The following MICAL3 variants were observed in gnomAD, a reference collection of about 807,000 sequenced individuals.
MICAL3 encodes the protein [F-actin]-monooxygenase MICAL3.
MICAL3 carries 62 observed loss-of-function variants against 207.4 expected under a neutral mutation model. That is an observed-to-expected ratio of 0.30 (90% CI 0.24 to 0.37). MICAL3 has a LOEUF of 0.37. Ranked by LOEUF, MICAL3 falls within the 10% of genes least tolerant of loss-of-function variation. MICAL3 has a pLI of 1.00. For missense variants in MICAL3, 2,368 were observed against 2,635.6 expected, an observed-to-expected ratio of 0.90 and a Z score of 2.22; for synonymous variants, 1,077 against 1,069.3, an observed-to-expected ratio of 1.01 and a Z score of -0.14.
intron 1 of MICAL3, among the ~76,000 whole-genome samples, chr22:17,943,287 C>T (rs541803501): frequency 8.5e-4 from 130 of 152,282 alleles, no homozygotes; most frequent in African/African-American, 2.8e-3. Flanking sequence ...CTCCGCCTCC[C>T]GAGTAGCTGG....
At chr22:17,987,396 G>C (rs1031916246) in intron 1 of MICAL3, among the ~76,000 whole-genome samples, 2 of 152,246 alleles carry the variant, frequency 1.3e-5, no homozygotes, top group African/African-American at 4.8e-5. Context: ...ACTGGCAGGA[G>C]CTTTGTGAAG....
chr22:17,824,801 T>C (rs1922001739), intron 22 of MICAL3, among the ~76,000 whole-genome samples: 1 of 152,208 alleles, frequency 6.6e-6, no homozygotes, highest in African/African-American at 2.4e-5. Context: ...AAAACCTCGG[T>C]GTGAGAACAC....
intron 25 of MICAL3, 109 bp downstream of exon 25, chr22:17,821,318 C>T (rs1921619100): frequency 2.1e-5 from 19 of 901,814 alleles, no homozygotes; most frequent in Non-Finnish European, 2.6e-5. Flanking sequence ...GCTATGTTAG[C>T]CCCAGTCTTG....
At chr22:17,856,168 A>C (rs894820059) in intron 19 of MICAL3, among the ~76,000 whole-genome samples, 2 of 152,254 alleles carry the variant, frequency 1.3e-5, no homozygotes, top group Non-Finnish European at 2.9e-5. Flanking sequence ...TCTGTGAGTG[A>C]GTATGGCAAG....
chr22:17,906,326 T>C (rs1434081741), intron 2 of MICAL3, among the ~76,000 whole-genome samples: 1 of 152,302 alleles, frequency 6.6e-6, no homozygotes, highest in East Asian at 1.9e-4. Flanking sequence ...TTATGCTAGG[T>C]TGTGGCTAGA....
intron 1 of MICAL3, among the ~76,000 whole-genome samples, chr22:17,971,077 T>C (rs1935392672): frequency 6.6e-6 from 1 of 152,050 alleles, no homozygotes; most frequent in Non-Finnish European, 1.5e-5. Flanking sequence ...CTCAGGTGGC[T>C]GAGGTGGGAA....
chr22:17,842,464 T>G, intron 19 of MICAL3: 1 of 178,622 alleles, frequency 5.6e-6, no homozygotes, highest in Non-Finnish European at 1.2e-5. Context: ...GGGATCCAAG[T>G]CCCCACCAGG....
chr22:17,982,010 T>G (rs1935929614), intron 1 of MICAL3, among the ~76,000 whole-genome samples: 1 of 151,306 alleles, frequency 6.6e-6, no homozygotes, highest in South Asian at 2.1e-4. Context: ...GAGGCTGAGG[T>G]GAGAGAATCG....
At chr22:17,813,718 T>C (rs1550664) in intron 27 of MICAL3, 47,919 of 152,116 alleles carry the variant, frequency 0.32, 7,939 homozygotes, top group Non-Finnish European at 0.34. Flanking sequence ...ACCCATTTTC[T>C]GGGCTGGGAG....
chr22:17,815,968 G>A (rs1028580068), intron 27 of MICAL3, among the ~76,000 whole-genome samples: 30 of 152,254 alleles, frequency 2.0e-4, no homozygotes, highest in Non-Finnish European at 3.1e-4. Flanking sequence ...ACGCAAAAGG[G>A]AGGCAGGAAG....
At chr22:17,827,060 G>A (rs5992866) in intron 22 of MICAL3, among the ~76,000 whole-genome samples, 44,303 of 152,060 alleles carry the variant, frequency 0.29, 6,864 homozygotes, top group Non-Finnish European at 0.34. Context: ...CGGCCACCAC[G>A]TCCCTCAGCA....
intron 19 of MICAL3, among the ~76,000 whole-genome samples, chr22:17,856,317 G>A (rs1217908335): frequency 6.6e-6 from 1 of 152,218 alleles, no homozygotes; most frequent in African/African-American, 2.4e-5. Flanking sequence ...TGCAAACACA[G>A]ACAAGCCCTA....
chr22:18,003,852 C>A (rs1457842107), intron 1 of MICAL3, among the ~76,000 whole-genome samples: 1 of 152,058 alleles, frequency 6.6e-6, no homozygotes, highest in African/African-American at 2.4e-5. Context: ...TCACTGCAAC[C>A]TCCGCCTCCC....
intron 16 of MICAL3, chr22:17,884,247 C>G: frequency 6.5e-7 from 1 of 1,532,626 alleles, no homozygotes; most frequent in Non-Finnish European, 8.9e-7. Flanking sequence ...AGAGACAGCA[C>G]CCATCCTGGC....
At chr22:17,949,957 C>T (rs1934251948) in intron 1 of MICAL3, among the ~76,000 whole-genome samples, 1 of 152,324 alleles carries the variant, frequency 6.6e-6, no homozygotes, top group African/African-American at 2.4e-5. Flanking sequence ...TGCTGACCAA[C>T]AGGAGCTAAA....
At chr22:18,018,443 G>A (rs1195261225) in intron 1 of MICAL3, among the ~76,000 whole-genome samples, 2 of 152,112 alleles carry the variant, frequency 1.3e-5, no homozygotes, top group Non-Finnish European at 2.9e-5. Flanking sequence ...ACATATACAG[G>A]CTGGACATGG....
intron 1 of MICAL3, among the ~76,000 whole-genome samples, chr22:17,959,093 A>G (rs1336181908): frequency 9.8e-5 from 12 of 122,048 alleles, no homozygotes; most frequent in African/African-American, 3.2e-4. Flanking sequence ...TCGGCTCACT[A>G]CAAGCTCCGC....
chr22:17,956,751 G>A (rs891782642), intron 1 of MICAL3, among the ~76,000 whole-genome samples: 9 of 152,186 alleles, frequency 5.9e-5, no homozygotes, highest in Non-Finnish European at 7.3e-5. Context: ...GACTGCTTAC[G>A]TGCATACAGG....
chr22:17,993,292 G>A (rs1411953354), intron 1 of MICAL3, among the ~76,000 whole-genome samples: 2 of 151,754 alleles, frequency 1.3e-5, no homozygotes, highest in Admixed American at 6.6e-5. Context: ...GGATACATGT[G>A]CAGAACGTGC....
Sources: allele counts gnomAD v4.1 joint callset (sites outside exome capture counted in the v4.1 genomes callset), GRCh38; gene constraint gnomAD v4.1.1; transcripts MANE v1.5; gene names NCBI Gene and HGNC (gene_info 2026-07-23, HGNC 2026-07-21).